LRRC4C: variants seen among roughly 807,000 people sequenced by gnomAD.
LRRC4C encodes leucine rich repeat containing 4C, also known as leucine-rich repeat-containing protein 4C.
Under a neutral mutation model 33.6 loss-of-function variants are expected in LRRC4C, and 5 were observed. The observed-to-expected ratio is 0.15, with a 90% CI of 0.08 to 0.31. The LOEUF (loss-of-function observed/expected upper bound fraction) is 0.31, where lower values mean the gene tolerates loss of function less well. LRRC4C is among the 10% of genes least tolerant of loss of function. The pLI, the probability that LRRC4C is intolerant of heterozygous loss-of-function variation, is 1.00. For synonymous variants in LRRC4C, 329 were observed against 302.0 expected (o/e 1.09, Z -0.93); for missense variants, 560 against 796.7 (o/e 0.70, Z 3.58).
chr11:41,229,196 T>C (rs941347973), intron 1 of LRRC4C, among the ~76,000 whole-genome samples: 1 of 152,080 alleles, frequency 6.6e-6, no homozygotes, highest in African/African-American at 2.4e-5. Flanking sequence ...AGGTCACTGG[T>C]ATCCTTGTAA....
At chr11:40,949,886 G>A (rs538972231) in intron 1 of LRRC4C, among the ~76,000 whole-genome samples, 4 of 151,842 alleles carry the variant, frequency 2.6e-5, no homozygotes, top group East Asian at 3.9e-4. Flanking sequence ...TAAATGTAAA[G>A]GGACTAAATG....
At chr11:40,965,053 G>T (rs924781929) in intron 1 of LRRC4C, among the ~76,000 whole-genome samples, 1 of 151,942 alleles carries the variant, frequency 6.6e-6, no homozygotes, top group Admixed American at 6.6e-5. Flanking sequence ...ACTTTTTAAT[G>T]ATTGCCATTC....
intron 5 of LRRC4C, among the ~76,000 whole-genome samples, chr11:40,218,752 C>T (rs201712775): frequency 7.1e-6 from 1 of 141,570 alleles, no homozygotes. Flanking sequence ...TCCATCCATC[C>T]ATCTATCCAT....
intron 3 of LRRC4C, among the ~76,000 whole-genome samples, chr11:40,404,765 A>G (rs1949897872): frequency 6.6e-6 from 1 of 152,106 alleles, no homozygotes; most frequent in Admixed American, 6.6e-5. Context: ...ATCCTTAAAT[A>G]TAGTTCAGAC....
In LRRC4C at chr11:40,165,436, G is replaced by A. The variant is rs190236014; in HGVS notation, c.-95-24583C>T. On this transcript the variant is annotated intron_variant, in intron 5 of 6. Coordinates refer to ENST00000528697, the MANE Select transcript of LRRC4C (RefSeq NM_001258419.2). The stretch of plus-strand genomic sequence containing the variant: ...CTGTGTGTACAAAAGGCTTGAAGGA[G>A]ATGAAGAAAACACAAATTATCCTCT... Among the ~76,000 whole-genome samples the A allele has an allele frequency of 2.5e-3, 388 of 152,170 alleles. 2 individuals carry two copies. The highest frequency in any genetic ancestry group is 0.013 in the South Asian group (61 of 4,812).
At chr11:40,647,363 T>C (rs927587692) in intron 3 of LRRC4C, among the ~76,000 whole-genome samples, 9 of 152,320 alleles carry the variant, frequency 5.9e-5, no homozygotes, top group East Asian at 1.9e-4. Context: ...TCTTTTTTTT[T>C]CCTTAACACA....
chr11:41,378,854 T>C (rs910672035), intron 1 of LRRC4C, among the ~76,000 whole-genome samples: 1 of 152,034 alleles, frequency 6.6e-6, no homozygotes, highest in African/African-American at 2.4e-5. Context: ...ATATCAGTGG[T>C]ATGACTCAAA....
chr11:41,142,060 C>A (rs2135913633), intron 1 of LRRC4C, among the ~76,000 whole-genome samples: 1 of 152,194 alleles, frequency 6.6e-6, no homozygotes, highest in South Asian at 2.1e-4. Flanking sequence ...ATCTATAGGA[C>A]TAATGAGCTA....
intron 2 of LRRC4C, among the ~76,000 whole-genome samples, chr11:40,809,576 ACTGT>A (rs1951398572): frequency 1.3e-5 from 2 of 151,950 alleles, no homozygotes; most frequent in South Asian, 2.1e-4. Flanking sequence ...TCATTCATTT[ACTGT>A]CTGTTTCCCC....
rs576849485 is a variant in LRRC4C, at chr11:41,301,382, T to C, written c.-496+158049A>G. Among the ~76,000 whole-genome samples the C allele has an allele frequency of 2.5e-4, 38 of 152,202 alleles. 1 individual carries two copies. The highest frequency in any genetic ancestry group is 4.7e-4 in the Non-Finnish European group (32 of 68,028). On this transcript the variant is annotated intron_variant, in intron 1 of 6. Transcript: ENST00000528697. The stretch of plus-strand genomic sequence containing the variant: ...TGATGTTAGTGAGTTGCTAAAAGCT[T>C]TGTTGTCAAATTGATGGGGGTGGGA...
intron 1 of LRRC4C, among the ~76,000 whole-genome samples, chr11:41,036,753 A>G (rs1383303624): frequency 6.6e-6 from 1 of 152,220 alleles, no homozygotes; most frequent in Non-Finnish European, 1.5e-5. Context: ...ATGATGTCAC[A>G]GTAGTTTGAA....
At chr11:40,919,978 TC>T (rs1957110031) in intron 2 of LRRC4C, among the ~76,000 whole-genome samples, 1 of 152,172 alleles carries the variant, frequency 6.6e-6, no homozygotes, top group Non-Finnish European at 1.5e-5. Context: ...TTTACAGTGC[TC>T]AAAACAAATC....
At chr11:40,730,880 C>T (rs1256754636) in intron 2 of LRRC4C, among the ~76,000 whole-genome samples, 3 of 152,228 alleles carry the variant, frequency 2.0e-5, no homozygotes, top group South Asian at 2.1e-4. Context: ...TTTGGATCTG[C>T]GTCCCTGCCA....
chr11:41,392,653 T>C (rs536259559), intron 1 of LRRC4C, among the ~76,000 whole-genome samples: 1 of 151,912 alleles, frequency 6.6e-6, no homozygotes, highest in South Asian at 2.1e-4. Context: ...GATGAAGTCA[T>C]ACTAAATTAA....
chr11:41,036,859 A>C (rs1433430560), intron 1 of LRRC4C, among the ~76,000 whole-genome samples: 1 of 152,210 alleles, frequency 6.6e-6, no homozygotes, highest in African/African-American at 2.4e-5. Context: ...TAGCGGGGGA[A>C]GGTCAAGAAA....
At chr11:40,463,482 T>C (rs1321551593) in intron 3 of LRRC4C, among the ~76,000 whole-genome samples, 1 of 152,040 alleles carries the variant, frequency 6.6e-6, no homozygotes, top group Non-Finnish European at 1.5e-5. Context: ...TCAAAATTGG[T>C]AGATAAGACA....
At chr11:41,091,968 C>A (rs1462212) in intron 1 of LRRC4C, among the ~76,000 whole-genome samples, 2 of 152,086 alleles carry the variant, frequency 1.3e-5, no homozygotes, top group African/African-American at 4.8e-5. Context: ...CATAGTTGCA[C>A]TAAATATGCA....
At chr11:41,099,091 T>C (rs1940998104) in intron 1 of LRRC4C, among the ~76,000 whole-genome samples, 1 of 152,032 alleles carries the variant, frequency 6.6e-6, no homozygotes, top group African/African-American at 2.4e-5. Flanking sequence ...CTAGAAGAGA[T>C]GGATGAATTC....
chr11:40,444,882 G>GT (rs1951560609), intron 3 of LRRC4C, among the ~76,000 whole-genome samples: 1 of 152,140 alleles, frequency 6.6e-6, no homozygotes, highest in Non-Finnish European at 1.5e-5. Context: ...AAAAGATTAG[G>GT]TATGTATTCT....
Sources: gnomAD v4.1 joint callset for allele counts (sites outside exome capture counted in the v4.1 genomes callset) on GRCh38, gnomAD v4.1.1 for gene constraint, MANE v1.5 for transcripts, NCBI Gene and HGNC (gene_info 2026-07-23, HGNC 2026-07-21) for gene names.